The following PAN2 variants were observed in gnomAD, a reference collection of about 807,000 sequenced individuals.
The protein encoded by PAN2 is PAN2-PAN3 deadenylation complex catalytic subunit PAN2.
In PAN2, 68 loss-of-function variants were observed where a neutral mutation model predicts 133.3. The observed-to-expected ratio is 0.51, with a 90% CI of 0.42 to 0.62. The LOEUF is 0.62. PAN2 is among the 20% of genes least tolerant of loss of function. PAN2 has a pLI of 0.00. For missense variants in PAN2, 1,042 were observed against 1,500.5 expected, an observed-to-expected ratio of 0.69 and a Z score of 5.05; for synonymous variants, 462 against 544.6, an observed-to-expected ratio of 0.85 and a Z score of 2.11.
intron 17 of PAN2, 110 bp from the exon 18 acceptor site, chr12:56,322,868 G>T: frequency 2.3e-6 from 3 of 1,279,198 alleles, no homozygotes; most frequent in Non-Finnish European, 2.2e-6. Flanking sequence ...GACCAGGGTG[G>T]GTTATCTCCA....
Position 56,323,124 on chromosome 12 carries a change from T to C in PAN2, c.2431A>G (p.Met811Val), listed in dbSNP as rs1403751254. 2 of 1,614,048 alleles carry C rather than the reference T, an allele frequency of 1.2e-6. No homozygotes were observed. The highest frequency in any genetic ancestry group is 1.7e-6 in the Non-Finnish European group (2 of 1,180,048). The change falls in exon 17 of 26, where the codon ATG becomes GTG. Residue 811 changes from methionine (M) to valine (V), a missense_variant. Met to Val is a conservative substitution (Grantham distance 21, BLOSUM62 1). Coordinates refer to ENST00000440411, the MANE Select transcript of PAN2 (RefSeq NM_014871.6). ...AGCCCTTTGTTTTTGGTCATCTTCA[T>C]GCGAATGGAGAAAGGAAGCCAGACG... ...KNVWLPFSIR[M>V]KMTKNKGLDV...
chr12:56,317,478 C>A lies in PAN2; in HGVS notation c.*131G>T. ...GTTCCAGTTCAATTAATAGCACCAT[C>A]TGTGACCCTAGACCCTGAGCACGTC... is the stretch of plus-strand genomic sequence containing the variant. On this transcript the variant is annotated 3_prime_UTR_variant, in exon 26 of 26. Transcript: ENST00000440411. 1 of 727,096 alleles carries A rather than the reference C, an allele frequency of 1.4e-6. No homozygotes were observed. 45.0% of individuals were successfully genotyped at this position (727,096 alleles called of 1,614,324 possible).
chr12:56,333,681 G>A (rs940136238), intron 1 of PAN2, 181 bp downstream of exon 1: 1 of 152,372 alleles, frequency 6.6e-6, no homozygotes, highest in Non-Finnish European at 1.5e-5. Context: ...AACAATAATG[G>A]CCAGTTACCC....
At chr12:56,327,880 C>A in intron 5 of PAN2, 115 bp downstream of exon 5, 1 of 1,509,530 alleles carries the variant, frequency 6.6e-7, no homozygotes, top group Non-Finnish European at 8.9e-7. Flanking sequence ...GAATTCACTC[C>A]ACTCATCCCT....
chr12:56,317,769 G>A (rs1291473466), intron 25 of PAN2, 126 bp from the exon 26 acceptor site: 4 of 764,212 alleles, frequency 5.2e-6, no homozygotes, highest in Non-Finnish European at 9.2e-6. Context: ...TTTTAGACTT[G>A]GGCAAGAGGA....
intron 17 of PAN2, 98 bp downstream of exon 17, chr12:56,322,963 CT>C: frequency 1.4e-6 from 2 of 1,470,234 alleles, no homozygotes; most frequent in Non-Finnish European, 9.5e-7. Context: ...TATTCTCTTC[CT>C]TTTCCCTCTG....
At chr12:56,331,547 G>C (rs1875843368) in intron 2 of PAN2, among the ~76,000 whole-genome samples, 1 of 152,148 alleles carries the variant, frequency 6.6e-6, no homozygotes, top group South Asian at 2.1e-4. Context: ...CTCCTTGAGG[G>C]CAAGGATTAT....
intron 19 of PAN2, 84 bp downstream of exon 19, chr12:56,322,339 T>G: frequency 8.2e-7 from 1 of 1,217,720 alleles, no homozygotes; most frequent in South Asian, 1.2e-5. Context: ...CTGTTGAATC[T>G]GCCTGGCATT....
Position 56,328,491 on chromosome 12 carries a change from G to T in PAN2, c.433C>A (p.Leu145Ile). The T allele has an allele frequency of 1.2e-6, 2 of 1,614,134 alleles. No individual in the cohort carries two copies. The highest frequency in any genetic ancestry group is 1.7e-6 in the Non-Finnish European group (2 of 1,179,978). Residue 145 changes from leucine (L) to isoleucine (I), a missense_variant, in exon 3 of 26, where the codon CTC becomes ATC. Around this residue, in one of 3 missense-constraint regions of PAN2, gnomAD observed 908 missense variants for 1,223.5 expected, o/e 0.74. Coordinates refer to ENST00000440411, the MANE Select transcript of PAN2 (RefSeq NM_014871.6). Reference sequence around the variant, plus strand: ...ACTTACAGGTAATCAAATATAATGAGGCCCCCACGGGCCATATACTTGAGG... The same window carrying T: ...ACTTACAGGTAATCAAATATAATGATGCCCCCACGGGCCATATACTTGAGG... The part of the protein sequence containing the change: ...NNLKYMARGG[L>I]IIFDYLLDEN...
chr12:56,318,887 T>C (rs1565631120), intron 24 of PAN2, among the ~76,000 whole-genome samples: 1 of 152,216 alleles, frequency 6.6e-6, no homozygotes, highest in Non-Finnish European at 1.5e-5. Flanking sequence ...AATGTCATTC[T>C]TATGTCCATA....
At position 56,322,438 on chromosome 12, in the gene PAN2, A is replaced by G. The variant is rs1386157998; in HGVS notation, c.2682T>C (p.Ile894=). Residue 894 remains isoleucine (I), a synonymous_variant, in exon 19 of 26, where the codon ATT becomes ATC. Transcript: ENST00000440411. ...QQWYLFNDFL[I]EPIDKHEAVQ... is the part of the protein sequence containing the mutation. ...TGCAACTAACCTTATCAATAGGTTC[A>G]ATAAGAAAGTCATTGAACAGATACC... 6.2e-7 allele frequency: 1 copy of G among 1,612,950 alleles called. No individual in the cohort carries two copies. Among genetic ancestry groups the G allele is most frequent in the Non-Finnish European group, 8.5e-7 (1 of 1,178,864 alleles).
chr12:56,322,931 C>T (rs1874722500), intron 17 of PAN2, 131 bp downstream of exon 17: 2 of 1,327,170 alleles, frequency 1.5e-6, no homozygotes, highest in Admixed American at 3.8e-5. Context: ...GGAAAATCCC[C>T]TAACAGGTAA....
chr12:56,323,796 A>G lies in PAN2; in HGVS notation c.2172+11T>C. 6.3e-7 allele frequency: 1 copy of G among 1,587,350 alleles called. No homozygotes were observed. On this transcript the variant is annotated intron_variant, in intron 14 of 25. Coordinates refer to ENST00000440411, the MANE Select transcript of PAN2 (RefSeq NM_014871.6). ...GACCAGGACTCTAGTCCAGTCCAACAGTCCACTCACCGTGGGCTGGTACTT... is the reference window on the plus strand; with the variant it reads ...GACCAGGACTCTAGTCCAGTCCAACGGTCCACTCACCGTGGGCTGGTACTT...
chr12:56,332,165 C>G (rs1875952786), intron 2 of PAN2, among the ~76,000 whole-genome samples: 1 of 152,110 alleles, frequency 6.6e-6, no homozygotes, highest in South Asian at 2.1e-4. Context: ...TATGCAGAAT[C>G]ATTCATTAAA....
intron 24 of PAN2, 139 bp from the exon 25 acceptor site, chr12:56,318,573 C>T (rs1874160055): frequency 1.6e-6 from 1 of 633,462 alleles, no homozygotes; most frequent in Non-Finnish European, 2.8e-6. Context: ...CCTCAGTGCA[C>T]AGAAGGGATA....
Position 56,317,487 on chromosome 12 carries a change from T to TAG in PAN2, c.*120_*121dup. On this transcript the variant is annotated 3_prime_UTR_variant, in exon 26 of 26. Coordinates refer to ENST00000440411, the MANE Select transcript of PAN2 (RefSeq NM_014871.6). ...CAATTAATAGCACCATCTGTGACCC[T>TAG]AGACCCTGAGCACGTCCAGTACTGG... The TAG allele has an allele frequency of 1.3e-6, 1 of 785,066 alleles. No homozygotes were observed. Among genetic ancestry groups the TAG allele is most frequent in the Non-Finnish European group, 2.2e-6 (1 of 446,716 alleles). 48.6% of individuals were successfully genotyped at this position (785,066 alleles called of 1,614,324 possible).
At chr12:56,318,608 AACTGTC>A in intron 24 of PAN2, 174 bp from the exon 25 acceptor site, 1 of 592,134 alleles carries the variant, frequency 1.7e-6, no homozygotes, top group South Asian at 2.1e-5. Flanking sequence ...ATCCATTAGT[AACTGTC>A]ACCACTAACT....
intron 5 of PAN2, 66 bp downstream of exon 5, chr12:56,327,929 C>A: frequency 1.2e-6 from 2 of 1,606,244 alleles, no homozygotes; most frequent in Non-Finnish European, 1.7e-6. Flanking sequence ...TAAGGGAAAG[C>A]AGATCGCAAT....
In PAN2 at chr12:56,326,805, A is replaced by G. The variant is rs1228403282; in HGVS notation, c.1074T>C (p.Thr358=). The part of the protein sequence containing the change: ...GDSEGCVHLW[T]DSPEPSFNPY... ...GGTTGAAGGAAGGCTCCGGGGAATC[A>G]GTCCAGAGGTGCACACAGCCCTCAG... The change falls in exon 7 of 26, where the codon ACT becomes ACC. Residue 358 remains threonine, a synonymous_variant. Coordinates refer to ENST00000440411, the MANE Select transcript of PAN2 (RefSeq NM_014871.6). 5 of 1,614,118 alleles carry G rather than the reference A, an allele frequency of 3.1e-6. No homozygotes were observed. The highest frequency in any genetic ancestry group is 4.2e-6 in the Non-Finnish European group (5 of 1,180,044).
Sources: allele counts gnomAD v4.1 joint callset (sites outside exome capture counted in the v4.1 genomes callset), GRCh38; gene constraint gnomAD v4.1.1; regional missense constraint gnomAD v4.1.1; transcripts MANE v1.5; gene names NCBI Gene and HGNC (gene_info 2026-07-23, HGNC 2026-07-21).